NFKBIB: variants seen among roughly 807,000 people sequenced by gnomAD.
NFKBIB encodes the protein NF-kappa-B inhibitor beta.
A neutral mutation model predicts 32.1 loss-of-function variants in NFKBIB; 16 were observed. The ratio of observed to expected loss-of-function variants is 0.50; its 90% CI spans 0.34 to 0.76. The LOEUF is 0.76. Ranked by LOEUF, NFKBIB falls within the 30% of genes least tolerant of loss-of-function variation. The pLI is 0.01. For missense variants in NFKBIB, 437 were observed against 514.9 expected (o/e 0.85, Z 1.46); for synonymous variants, 222 against 219.5 (o/e 1.01, Z -0.10).
chr19:38,908,552 A>AG, intron 5 of NFKBIB, 179 bp from the exon 6 acceptor site: 2 of 1,317,266 alleles, frequency 1.5e-6, no homozygotes, highest in African/African-American at 1.5e-5. Flanking sequence ...AAAAAAAAAA[A>AG]AAAAAAGAAA....
intron 1 of NFKBIB, among the ~76,000 whole-genome samples, chr19:38,900,894 G>A (rs990520525): frequency 6.6e-6 from 1 of 152,054 alleles, no homozygotes; most frequent in African/African-American, 2.4e-5. Context: ...TAAATAAACA[G>A]ATTGATAAGA....
Position 38,900,082 on chromosome 19 carries a change from G to T in NFKBIB, c.50G>T (p.Cys17Phe). The T allele has an allele frequency of 6.5e-7, 1 of 1,538,126 alleles. No homozygotes were observed. The change falls in exon 1 of 6, where the codon TGC (cysteine) becomes TTC (phenylalanine). Residue 17 changes from cysteine (C) to phenylalanine (F), a missense_variant. Cys to Phe is a radical substitution (Grantham distance 205). Transcript: ENST00000313582. ...LGKAADADEW[C>F]DSGLGSLGPD... ...AAAGCTGCCGACGCAGATGAATGGT[G>T]CGACAGCGGCCTGGGCTCCCTGGGT...
At chr19:38,904,944 C>G (rs1404512579) in intron 1 of NFKBIB, 71 bp from the exon 2 acceptor site, 1 of 1,443,836 alleles carries the variant, frequency 6.9e-7, no homozygotes, top group East Asian at 2.3e-5. Flanking sequence ...CAGTAGGCGC[C>G]CCATGTTTGT....
rs533411032 is a variant in NFKBIB at position 38,907,654 on chromosome 19, G to A, written c.964G>A (p.Glu322Lys). The A allele has an allele frequency of 1.1e-4, 179 of 1,602,108 alleles. 2 individuals are homozygous for A. The Middle Eastern group carries it at 1.7e-3, about 15-fold the overall frequency. The change falls in exon 5 of 6, where the codon GAG becomes AAG. Residue 322 changes from glutamate to lysine, a missense_variant. Glu to Lys is a moderately conservative substitution (Grantham distance 56). Transcript: ENST00000313582. ...CAGTAGCGACAGCGACAGCGGAGAC[G>A]AGGGCGTGAGTCAGGAGGAGAGACA... ...SSSSDSDSGD[E>K]GDEYDDIVVH...
chr19:38,908,832 ATT>A lies in NFKBIB; in HGVS notation c.*2_*3del, dbSNP rs1229453934. On this transcript the variant is annotated 3_prime_UTR_variant, in exon 6 of 6. Coordinates refer to ENST00000313582, the MANE Select transcript of NFKBIB (RefSeq NM_002503.5). ...TTCCTGACGACCCCCGCCCCGTGTG[ATT>A]TGTTTCATTGTTAATATAATTTCCA... 1 of 1,610,004 alleles carries A rather than the reference ATT, an allele frequency of 6.2e-7. No homozygotes were observed. The highest frequency in any genetic ancestry group is 1.3e-5 in the African/African-American group (1 of 74,606).
intron 1 of NFKBIB, among the ~76,000 whole-genome samples, chr19:38,901,880 A>T (rs961876934): frequency 6.6e-6 from 1 of 152,002 alleles, no homozygotes; most frequent in African/African-American, 2.4e-5. Flanking sequence ...GTGCCCAGAC[A>T]GTCTCTGCCT....
intron 3 of NFKBIB, 27 bp from the exon 4 acceptor site, chr19:38,907,194 A>G (rs1398845971): frequency 1.3e-6 from 2 of 1,588,348 alleles, no homozygotes; most frequent in African/African-American, 2.7e-5. Context: ...TCACCTCATC[A>G]TCTGACGCCA....
intron 1 of NFKBIB, 74 bp from the exon 2 acceptor site, chr19:38,904,941 C>A: frequency 7.1e-7 from 1 of 1,399,420 alleles, no homozygotes; most frequent in Non-Finnish European, 1.0e-6. Context: ...ATACAGTAGG[C>A]GCCCCATGTT....
upstream of NFKBIB, chr19:38,899,689 C>T (rs1205033177): frequency 6.1e-6 from 6 of 979,352 alleles, no homozygotes; most frequent in East Asian, 1.6e-4. Flanking sequence ...TCTCAGCAGA[C>T]ATTGCGGCCG....
chr19:38,902,081 A>ATCTTTTTTTT (rs1973983494), intron 1 of NFKBIB, among the ~76,000 whole-genome samples: 1 of 56,462 alleles, frequency 1.8e-5, no homozygotes, highest in South Asian at 8.1e-4. Flanking sequence ...TTTTCATTTT[A>ATCTTTTTTTT]TTTCTTTTTT....
At chr19:38,899,921 G>T, upstream of NFKBIB, 1 of 1,115,808 alleles carries the variant, frequency 9.0e-7, no homozygotes. Flanking sequence ...TTATCATTGG[G>T]TGAATCAGGG....
In NFKBIB at chr19:38,907,453, G is replaced by A. The variant is rs1974171450; in HGVS notation, c.763G>A (p.Asp255Asn). ...TTTGGCAGTGGAGGCCCAGGCAGCC[G>A]ATGTGCTGGAGCTTCTCCTGAGGGC... is the stretch of plus-strand genomic sequence containing the variant. ...LHLAVEAQAA[D>N]VLELLLRAGA... is the part of the protein sequence containing the mutation. Residue 255 changes from aspartate to asparagine, a missense_variant, in exon 5 of 6, where the codon GAT (aspartate) becomes AAT (asparagine). Asp to Asn is a conservative substitution (Grantham distance 23). Coordinates refer to ENST00000313582, the MANE Select transcript of NFKBIB (RefSeq NM_002503.5). 3 of 1,606,950 alleles carry A rather than the reference G, an allele frequency of 1.9e-6. No individual in the cohort carries two copies. The highest frequency in any genetic ancestry group is 2.6e-6 in the Non-Finnish European group (3 of 1,175,482).
At chr19:38,908,243 T>C (rs1286079932) in intron 5 of NFKBIB, 13 of 991,874 alleles carry the variant, frequency 1.3e-5, no homozygotes, top group Admixed American at 6.0e-5. Flanking sequence ...AGAAATGACC[T>C]TGAAAATGGA....
intron 1 of NFKBIB, among the ~76,000 whole-genome samples, chr19:38,903,713 C>CT (rs1352737592): frequency 6.6e-6 from 1 of 152,106 alleles, no homozygotes; most frequent in Non-Finnish European, 1.5e-5. Flanking sequence ...GCCTGATAAT[C>CT]TTTGGTTAGG....
chr19:38,906,131 CTTTTTTT>C (rs11300670), intron 3 of NFKBIB, among the ~76,000 whole-genome samples: 9 of 97,348 alleles, frequency 9.2e-5, no homozygotes, highest in African/African-American at 4.1e-4. Context: ...TACTTGGTAC[CTTTTTTT>C]TTTTTTTTTT....
Position 38,905,597 on chromosome 19 carries a change from G to T in NFKBIB, c.619+62G>T. The T allele has an allele frequency of 1.5e-6, 2 of 1,344,692 alleles. No homozygotes were observed. The highest frequency in any genetic ancestry group is 2.0e-6 in the Non-Finnish European group (2 of 977,266). The allele number at this position is 1,344,692 out of a possible 1,614,324, so 83.3% of individuals were successfully genotyped here. A position where few individuals can be genotyped will look rare whatever the true frequency, so the allele number is the denominator to read the frequency against. On this transcript the variant is annotated intron_variant, in intron 3 of 5. Transcript: ENST00000313582. This position sits in a 1 kb window ranked among gnomAD's most constrained non-coding sequence, Gnocchi z 5.5. ...GCTAGGCGAGAGCACCTGGCCCTGG[G>T]CTCAGCTTCCCTGATTTGAGACTGA...
chr19:38,908,194 C>G, intron 5 of NFKBIB: 4 of 992,646 alleles, frequency 4.0e-6, no homozygotes, highest in Non-Finnish European at 4.8e-6. Flanking sequence ...GCTCAGTTGC[C>G]GAAACTCTGG....
intron 3 of NFKBIB, among the ~76,000 whole-genome samples, chr19:38,906,431 G>A (rs1191595686): frequency 2.0e-5 from 3 of 149,698 alleles, no homozygotes; most frequent in Admixed American, 6.7e-5. Flanking sequence ...TTACAGGTGT[G>A]AGCCACCGTG....
Position 38,908,030 on chromosome 19 carries a change from C to A in NFKBIB, c.969+371C>A, listed in dbSNP as rs1341640054. 5.4e-6 allele frequency: 6 copies of A among 1,101,792 alleles called. No individual in the cohort carries two copies. In the South Asian group the frequency reaches 1.2e-4, roughly 22 times the overall value. The allele number at this position is 1,101,792 out of a possible 1,614,324, so 68.3% of individuals were successfully genotyped here. ...ACCTTGGGTGGCAGTGATTTGAACACCGGCAGTGCTGGGGCAGGACCCGAG... is the reference window on the plus strand; with the variant it reads ...ACCTTGGGTGGCAGTGATTTGAACAACGGCAGTGCTGGGGCAGGACCCGAG... On this transcript the variant is annotated intron_variant, in intron 5 of 5. Coordinates refer to ENST00000313582, the MANE Select transcript of NFKBIB (RefSeq NM_002503.5).
Sources: gnomAD v4.1 joint callset for allele counts (sites outside exome capture counted in the v4.1 genomes callset) on GRCh38, gnomAD v4.1.1 for gene constraint, Gnocchi (gnomAD v3.1) non-coding constraint, MANE v1.5 for transcripts, NCBI Gene and HGNC (gene_info 2026-07-23, HGNC 2026-07-21) for gene names.